COLEC11: variants seen among roughly 807,000 people sequenced by gnomAD.
The protein encoded by COLEC11 is collectin subfamily member 11.
A neutral mutation model predicts 27.3 loss-of-function variants in COLEC11; 20 were observed. That is an observed-to-expected ratio of 0.73 (90% CI 0.51 to 1.06). The LOEUF (loss-of-function observed/expected upper bound fraction) is 1.06, where lower values mean the gene tolerates loss of function less well. COLEC11 is among the 50% of genes least tolerant of loss of function. COLEC11 has a pLI of 0.00. For missense variants in COLEC11, 310 were observed against 383.0 expected, an observed-to-expected ratio of 0.81 and a Z score of 1.59; for synonymous variants, 163 against 154.7, an observed-to-expected ratio of 1.05 and a Z score of -0.40.
chr2:3,611,434 G>A (rs1315338907), intron 2 of COLEC11, among the ~76,000 whole-genome samples: 5 of 152,190 alleles, frequency 3.3e-5, no homozygotes, highest in South Asian at 2.1e-4. Context: ...GTCAGCGTCC[G>A]GCTGCTCCAC....
At chr2:3,635,355 G>A (rs1665326460) in intron 3 of COLEC11, among the ~76,000 whole-genome samples, 1 of 151,864 alleles carries the variant, frequency 6.6e-6, no homozygotes, top group South Asian at 2.1e-4. Flanking sequence ...TTCACCCCCA[G>A]CCTGCTCTGC....
At chr2:3,613,636 C>T (rs1007941141) in intron 3 of COLEC11, among the ~76,000 whole-genome samples, 2 of 152,128 alleles carry the variant, frequency 1.3e-5, no homozygotes, top group Non-Finnish European at 2.9e-5. Flanking sequence ...GGCTCCTGGC[C>T]CCTTTAAGCC....
chr2:3,642,648 G>A (rs546529667), intron 5 of COLEC11, among the ~76,000 whole-genome samples: 5 of 152,274 alleles, frequency 3.3e-5, no homozygotes, highest in South Asian at 2.1e-4. Flanking sequence ...TCTGTACCCC[G>A]GGCCCCTGTC....
intron 1 of COLEC11, among the ~76,000 whole-genome samples, chr2:3,597,699 T>C (rs1572374787): frequency 1.3e-5 from 2 of 150,510 alleles, no homozygotes; most frequent in Admixed American, 1.3e-4. Flanking sequence ...CTAAACCCAG[T>C]TTGCATCCAG....
intron 1 of COLEC11, among the ~76,000 whole-genome samples, chr2:3,598,721 G>A (rs1662027430): frequency 6.6e-6 from 1 of 152,104 alleles, no homozygotes; most frequent in African/African-American, 2.4e-5. Context: ...CCGTGGGTGA[G>A]GGGTGTGGAG....
At chr2:3,607,656 C>T (rs1480788493) in intron 2 of COLEC11, among the ~76,000 whole-genome samples, 1 of 152,028 alleles carries the variant, frequency 6.6e-6, no homozygotes, top group Non-Finnish European at 1.5e-5. Flanking sequence ...ACCATGTTAT[C>T]CAGGCTGGTC....
chr2:3,612,249 C>T (rs1663260638), intron 2 of COLEC11, among the ~76,000 whole-genome samples: 1 of 152,094 alleles, frequency 6.6e-6, no homozygotes, highest in Non-Finnish European at 1.5e-5. Context: ...CGCACCCACG[C>T]ACACGCATGC....
At chr2:3,613,976 C>CT (rs1461288131) in intron 3 of COLEC11, among the ~76,000 whole-genome samples, 2 of 91,324 alleles carry the variant, frequency 2.2e-5, no homozygotes, top group African/African-American at 3.5e-5. Flanking sequence ...TTCTTTCTTT[C>CT]TTTCTTTTTT....
intron 3 of COLEC11, among the ~76,000 whole-genome samples, chr2:3,616,106 C>T (rs1167433348): frequency 6.7e-6 from 1 of 148,486 alleles, no homozygotes; most frequent in Non-Finnish European, 1.5e-5. Context: ...AGAGACACTC[C>T]TCAGATACCA....
intron 3 of COLEC11, among the ~76,000 whole-genome samples, chr2:3,629,857 G>T (rs1261618036): frequency 2.0e-5 from 3 of 152,172 alleles, no homozygotes; most frequent in Non-Finnish European, 4.4e-5. Context: ...ATTCATGTAT[G>T]TATGTTTGTG....
intron 1 of COLEC11, among the ~76,000 whole-genome samples, chr2:3,600,129 C>T (rs1024861331): frequency 2.7e-5 from 4 of 150,498 alleles, no homozygotes; most frequent in East Asian, 2.0e-4. Flanking sequence ...CAGCTACTTG[C>T]GAAGCTGAGG....
intron 3 of COLEC11, among the ~76,000 whole-genome samples, chr2:3,633,345 A>G (rs995173866): frequency 6.6e-6 from 1 of 152,242 alleles, no homozygotes; most frequent in Non-Finnish European, 1.5e-5. Flanking sequence ...TAGACAAGTT[A>G]AAACCTGAGA....
At chr2:3,635,248 C>G (rs547161830) in intron 3 of COLEC11, among the ~76,000 whole-genome samples, 1 of 152,212 alleles carries the variant, frequency 6.6e-6, no homozygotes, top group African/African-American at 2.4e-5. Context: ...ATCCACACAT[C>G]CCATCACGCA....
rs556428544 is a variant in COLEC11, at chr2:3,611,659, C to CCA, written c.131-1649_131-1648dup. On this transcript the variant is annotated intron_variant, in intron 2 of 6. Transcript: ENST00000349077. The stretch of plus-strand genomic sequence containing the variant: ...GATCGTGGGTCAGCCCAGGGGCAGC[C>CCA]CACAGGCTTTTCAGTAGGTGGCCCT... Among the ~76,000 whole-genome samples the CCA allele has an allele frequency of 2.7e-3, 415 of 151,936 alleles. 1 individual carries two copies. The highest frequency in any genetic ancestry group is 9.4e-3 in the African/African-American group (389 of 41,432).
intron 3 of COLEC11, among the ~76,000 whole-genome samples, chr2:3,616,632 G>A (rs532692585): frequency 3.9e-5 from 6 of 152,366 alleles, no homozygotes; most frequent in East Asian, 1.9e-4. Flanking sequence ...GGCGGCGCAC[G>A]CCTGCAATCC....
At chr2:3,628,904 G>T (rs1664766645) in intron 3 of COLEC11, among the ~76,000 whole-genome samples, 1 of 152,220 alleles carries the variant, frequency 6.6e-6, no homozygotes, top group African/African-American at 2.4e-5. Context: ...ATGGGCTGTG[G>T]CGTTCGTGCC....
chr2:3,618,902 A>G (rs902608068), intron 3 of COLEC11, among the ~76,000 whole-genome samples: 1 of 152,196 alleles, frequency 6.6e-6, no homozygotes, highest in Non-Finnish European at 1.5e-5. Context: ...ATTTATTCCT[A>G]AATATGTCAT....
rs1456805006 is a variant in COLEC11 at position 3,602,486 on chromosome 2, C to G, written c.-26-1829C>G. Reference sequence around the variant, plus strand: ...ATAACTGATCAGCAAAACCTGTCAGCTTTGCTTCCAGACTGCATCCCATAC... The same window carrying G: ...ATAACTGATCAGCAAAACCTGTCAGGTTTGCTTCCAGACTGCATCCCATAC... On this transcript the variant is annotated intron_variant, in intron 1 of 6. Transcript: ENST00000349077. This position sits in a 1 kb window ranked among gnomAD's most constrained non-coding sequence, Gnocchi z 6.2. 6.6e-6 allele frequency among the ~76,000 whole-genome samples: 1 copy of G among 152,144 alleles called. No individual in the cohort carries two copies. Among genetic ancestry groups the G allele is most frequent in the East Asian group, 1.9e-4 (1 of 5,198 alleles).
chr2:3,611,762 G>C (rs1272470257), intron 2 of COLEC11, among the ~76,000 whole-genome samples: 1 of 151,958 alleles, frequency 6.6e-6, no homozygotes, highest in Non-Finnish European at 1.5e-5. Context: ...TTTGTTACTT[G>C]GATTTAAATG....
Sources: allele counts gnomAD v4.1 joint callset (sites outside exome capture counted in the v4.1 genomes callset), GRCh38; gene constraint gnomAD v4.1.1; non-coding constraint Gnocchi (gnomAD v3.1); transcripts MANE v1.5; gene names NCBI Gene and HGNC (gene_info 2026-07-23, HGNC 2026-07-21).